SF3B6: variants seen among roughly 807,000 people sequenced by gnomAD.
SF3B6 encodes SF3b 14 kDa subunit.
A neutral mutation model predicts 15.9 loss-of-function variants in SF3B6; 3 were observed. That is an observed-to-expected ratio of 0.19 (90% CI 0.09 to 0.49). The LOEUF is 0.49. Among genes scored for constraint, SF3B6 ranks in the 20% least tolerant of loss-of-function variants. SF3B6 has a pLI of 0.97. For missense variants in SF3B6, 71 were observed against 154.3 expected (o/e 0.46, Z 2.86); for synonymous variants, 49 against 51.1 (o/e 0.96, Z 0.18).
intron 1 of SF3B6, 115 bp downstream of exon 1, chr2:24,076,084 GA>G: frequency 7.6e-7 from 1 of 1,316,500 alleles, no homozygotes; most frequent in Non-Finnish European, 1.1e-6. Context: ...GACAGGATAG[GA>G]ATTCTGGAGT....
Position 24,067,810 on chromosome 2 carries a change from C to T in SF3B6, c.330G>A (p.Leu110=). The change falls in exon 4 of 4, where the codon TTG becomes TTA. Residue 110 remains leucine, a synonymous_variant. Coordinates refer to ENST00000233468, the MANE Select transcript of SF3B6 (RefSeq NM_016047.4). ...TGCCATATTTCTCCTTGAGAAGCTT[C>T]AACTGTTCCTCCTTCTTCTTTGTGT... is the stretch of plus-strand genomic sequence containing the variant. ...KMDTKKKEEQ[L]KLLKEKYGIN... is the part of the protein sequence containing the mutation. The T allele has an allele frequency of 1.2e-6, 2 of 1,614,134 alleles. No individual in the cohort carries two copies. The highest frequency in any genetic ancestry group is 1.1e-5 in the South Asian group (1 of 91,076).
At chr2:24,071,211 T>C (rs1209409629) in intron 2 of SF3B6, among the ~76,000 whole-genome samples, 1 of 152,160 alleles carries the variant, frequency 6.6e-6, no homozygotes, top group Non-Finnish European at 1.5e-5. Flanking sequence ...CAGGCTGTTC[T>C]CAAACTCCTG....
At chr2:24,067,991 GTCTC>G (rs1221793944) in intron 3 of SF3B6, 140 bp from the exon 4 acceptor site, 2 of 764,788 alleles carry the variant, frequency 2.6e-6, no homozygotes, top group Admixed American at 4.7e-5. Context: ...TTGAGACGGA[GTCTC>G]TCTGTTGCCC....
intron 2 of SF3B6, among the ~76,000 whole-genome samples, chr2:24,072,494 A>G (rs1302622400): frequency 6.6e-6 from 1 of 152,210 alleles, no homozygotes; most frequent in Non-Finnish European, 1.5e-5. Flanking sequence ...ATGGGAGCAG[A>G]AGAGTGGCTA....
At position 24,072,120 on chromosome 2, in the gene SF3B6, G is replaced by C. The variant is rs577968199; in HGVS notation, c.149+1956C>G. ...TCCCACTTGAGCCTCCTGAGTAATTGCATTACAGGCGCGTGCCACCATGCC... is the reference window on the plus strand; with the variant it reads ...TCCCACTTGAGCCTCCTGAGTAATTCCATTACAGGCGCGTGCCACCATGCC... On this transcript the variant is annotated intron_variant, in intron 2 of 3. Coordinates refer to ENST00000233468, the MANE Select transcript of SF3B6 (RefSeq NM_016047.4). Among the ~76,000 whole-genome samples, 3 of 152,092 alleles carry C rather than the reference G, an allele frequency of 2.0e-5. 1 individual carries two copies. The highest frequency in any genetic ancestry group is 1.3e-4 in the Admixed American group (2 of 15,284).
intron 2 of SF3B6, among the ~76,000 whole-genome samples, 190 bp from the exon 3 acceptor site, chr2:24,068,649 G>A (rs901635228): frequency 6.6e-6 from 1 of 152,184 alleles, no homozygotes; most frequent in Admixed American, 6.5e-5. Context: ...TACCGGATAA[G>A]CCTGTAATTT....
At chr2:24,076,070 C>CT in intron 1 of SF3B6, 130 bp downstream of exon 1, 1 of 1,205,886 alleles carries the variant, frequency 8.3e-7, no homozygotes, top group Non-Finnish European at 1.2e-6. Context: ...ATAGTGTCTT[C>CT]GCTGACAGGA....
chr2:24,068,430 G>A lies in SF3B6; in HGVS notation c.179C>T (p.Ala60Val), dbSNP rs758723078. 1 of 1,613,848 alleles carries A rather than the reference G, an allele frequency of 6.2e-7. No individual in the cohort carries two copies. The highest frequency in any genetic ancestry group is 8.5e-7 in the Non-Finnish European group (1 of 1,179,938). Residue 60 changes from alanine (A) to valine (V), a missense_variant, in exon 3 of 4, where the codon GCT becomes GTT. Ala to Val is a moderately conservative substitution (Grantham distance 64). This residue lies in a region of SF3B6 where 52 missense variants were observed against 113.2 expected (regional missense o/e 0.46). Transcript: ENST00000233468. ...VGNTPETRGT[A>V]YVVYEDIFDA... ...AAAGATGTCCTCATAGACCACATAA[G>A]CTGTTCCTCTAGTTTCAGGTGTGTT...
At chr2:24,071,987 T>C (rs1399725259) in intron 2 of SF3B6, among the ~76,000 whole-genome samples, 1 of 152,192 alleles carries the variant, frequency 6.6e-6, no homozygotes, top group Non-Finnish European at 1.5e-5. Context: ...TCTTCTATTT[T>C]CTTTTCTTTT....
At chr2:24,071,356 G>A (rs1338124488) in intron 2 of SF3B6, among the ~76,000 whole-genome samples, 1 of 152,142 alleles carries the variant, frequency 6.6e-6, no homozygotes, top group Non-Finnish European at 1.5e-5. Flanking sequence ...TGTAATCCCA[G>A]CACTTTGGGA....
Position 24,067,675 on chromosome 2 carries a change from T to A in SF3B6, c.*87A>T. 9.4e-7 allele frequency: 1 copy of A among 1,058,702 alleles called. No individual in the cohort carries two copies. The highest frequency in any genetic ancestry group is 1.4e-6 in the Non-Finnish European group (1 of 709,808). The allele number at this position is 1,058,702 out of a possible 1,614,324, so 65.6% of individuals were successfully genotyped here. ...GTCATTTTGAACCTCAAATAAGAAATCACAATATTTAGTATTAATTAAAAA... is the reference window on the plus strand; with the variant it reads ...GTCATTTTGAACCTCAAATAAGAAAACACAATATTTAGTATTAATTAAAAA... On this transcript the variant is annotated 3_prime_UTR_variant, in exon 4 of 4. Coordinates refer to ENST00000233468, the MANE Select transcript of SF3B6 (RefSeq NM_016047.4).
chr2:24,073,417 T>TA (rs1664686920), intron 2 of SF3B6, among the ~76,000 whole-genome samples: 2 of 152,172 alleles, frequency 1.3e-5, no homozygotes, highest in South Asian at 4.1e-4. Context: ...GATAGAAAGG[T>TA]ACTTTACTCT....
At chr2:24,072,928 C>T (rs1048409806) in intron 2 of SF3B6, among the ~76,000 whole-genome samples, 3 of 152,228 alleles carry the variant, frequency 2.0e-5, no homozygotes, top group Non-Finnish European at 2.9e-5. Flanking sequence ...GTTTCTTGAC[C>T]TAGAGTCCAT....
chr2:24,069,189 A>T, intron 2 of SF3B6, among the ~76,000 whole-genome samples: 1 of 152,184 alleles, frequency 6.6e-6, no homozygotes, highest in East Asian at 1.9e-4. Flanking sequence ...TGCACGATAC[A>T]GCTGTGTGGC....
chr2:24,069,728 A>G (rs1428888461), intron 2 of SF3B6, among the ~76,000 whole-genome samples: 3 of 152,142 alleles, frequency 2.0e-5, no homozygotes, highest in African/African-American at 7.2e-5. Flanking sequence ...TTGAAAAGGA[A>G]TAGGGTACTG....
intron 2 of SF3B6, among the ~76,000 whole-genome samples, chr2:24,071,662 G>C (rs1161520669): frequency 6.6e-6 from 1 of 152,190 alleles, no homozygotes; most frequent in Non-Finnish European, 1.5e-5. Context: ...GGGAAACAGG[G>C]AGCTACTTCA....
At chr2:24,069,113 T>C (rs1262594540) in intron 2 of SF3B6, among the ~76,000 whole-genome samples, 1 of 152,150 alleles carries the variant, frequency 6.6e-6, no homozygotes, top group Non-Finnish European at 1.5e-5. Context: ...TCCCAAGGTG[T>C]TGGAATTACA....
In SF3B6 at chr2:24,072,022, G is replaced by A. The variant is rs555199151; in HGVS notation, c.149+2054C>T. Among the ~76,000 whole-genome samples, 6 of 151,992 alleles carry A rather than the reference G, an allele frequency of 3.9e-5. No individual in the cohort carries two copies. In the East Asian group the frequency reaches 5.8e-4, roughly 15 times the overall value. On this transcript the variant is annotated intron_variant, in intron 2 of 3. Transcript: ENST00000233468. The stretch of plus-strand genomic sequence containing the variant: ...TGTTGAAACAGGATCTCACTCTGTC[G>A]CCCAGACTGGAGTGCAGTGGCATGA...
chr2:24,076,049 G>C, intron 1 of SF3B6, 151 bp downstream of exon 1: 1 of 996,576 alleles, frequency 1.0e-6, no homozygotes, highest in Non-Finnish European at 1.6e-6. Context: ...TATCTCTGAG[G>C]ATGGGGCCGG....
Sources: gnomAD v4.1 joint callset for allele counts (sites outside exome capture counted in the v4.1 genomes callset) on GRCh38, gnomAD v4.1.1 for gene constraint, gnomAD v4.1.1 regional missense constraint, MANE v1.5 for transcripts, NCBI Gene and HGNC (gene_info 2026-07-23, HGNC 2026-07-21) for gene names.